KSR2: variants seen among roughly 807,000 people sequenced by gnomAD.
KSR2 encodes kinase suppressor of ras 2.
A neutral mutation model predicts 107.8 loss-of-function variants in KSR2; 25 were observed. The observed-to-expected ratio is 0.23, with a 90% CI of 0.17 to 0.32. The LOEUF (loss-of-function observed/expected upper bound fraction) is 0.32. Ranked by LOEUF, KSR2 falls within the 10% of genes least tolerant of loss-of-function variation. The probability of loss-of-function intolerance (pLI) is 1.00; values close to 1 mark genes in which losing one functional copy is unlikely to be tolerated. For missense variants in KSR2, 887 were observed against 1,268.9 expected (o/e 0.70, Z 4.57); for synonymous variants, 480 against 507.0 (o/e 0.95, Z 0.71).
At chr12:117,945,532 T>C (rs1207365944) in intron 1 of KSR2, among the ~76,000 whole-genome samples, 1 of 151,968 alleles carries the variant, frequency 6.6e-6, no homozygotes, top group Non-Finnish European at 1.5e-5. Flanking sequence ...TAGCCGGACG[T>C]GGTGGCGGGT....
intron 3 of KSR2, among the ~76,000 whole-genome samples, chr12:117,852,395 T>A (rs568639558): frequency 6.6e-6 from 1 of 151,848 alleles, no homozygotes; most frequent in Non-Finnish European, 1.5e-5. Flanking sequence ...ACCACTGCAC[T>A]CCAGCCTGGG....
intron 10 of KSR2, 149 bp downstream of exon 10, chr12:117,539,570 C>T: frequency 1.5e-6 from 1 of 673,994 alleles, no homozygotes; most frequent in Admixed American, 3.4e-5. Context: ...AGGGTCAGTC[C>T]ACATACTTCC....
chr12:117,921,957 T>C (rs1311636229), intron 1 of KSR2, among the ~76,000 whole-genome samples: 2 of 152,206 alleles, frequency 1.3e-5, no homozygotes, highest in African/African-American at 2.4e-5. Flanking sequence ...CAAATGTATG[T>C]TTGTGTGACA....
chr12:117,812,135 G>T (rs771296137), intron 3 of KSR2, among the ~76,000 whole-genome samples: 1 of 152,160 alleles, frequency 6.6e-6, no homozygotes, highest in Non-Finnish European at 1.5e-5. Context: ...CTCTACAGCT[G>T]CCCTGTCCAA....
At chr12:117,962,441 T>C (rs1472250847) in intron 1 of KSR2, among the ~76,000 whole-genome samples, 1 of 129,146 alleles carries the variant, frequency 7.7e-6, no homozygotes, top group South Asian at 2.3e-4. Flanking sequence ...TTTTGTTTTG[T>C]TTTTTGGGTT....
chr12:117,877,717 C>A (rs201770316), intron 1 of KSR2, among the ~76,000 whole-genome samples: 193 of 152,244 alleles, frequency 1.3e-3, no homozygotes, highest in African/African-American at 4.5e-3. Flanking sequence ...GAGGCTGCCC[C>A]CAAGCCTGTC....
chr12:117,710,443 A>G (rs539033197), intron 4 of KSR2, among the ~76,000 whole-genome samples: 1 of 152,322 alleles, frequency 6.6e-6, no homozygotes, highest in East Asian at 1.9e-4. Context: ...GAGGTGGATT[A>G]TCACATAGTC....
At chr12:117,589,035 G>C (rs1880168284) in intron 5 of KSR2, among the ~76,000 whole-genome samples, 1 of 152,194 alleles carries the variant, frequency 6.6e-6, no homozygotes, top group Non-Finnish European at 1.5e-5. Context: ...ATTGTTCAAA[G>C]TCATATAGCT....
chr12:117,713,412 A>G (rs1886867036), intron 4 of KSR2, among the ~76,000 whole-genome samples: 1 of 152,164 alleles, frequency 6.6e-6, no homozygotes, highest in African/African-American at 2.4e-5. Context: ...CTCTTTGGGG[A>G]ACTCTGATAC....
intron 1 of KSR2, among the ~76,000 whole-genome samples, chr12:117,949,004 G>T (rs977209592): frequency 6.6e-6 from 1 of 152,176 alleles, no homozygotes; most frequent in African/African-American, 2.4e-5. Context: ...TGAGGCAGGA[G>T]AATCGCTTGA....
chr12:117,850,252 T>C (rs191405553), intron 3 of KSR2, among the ~76,000 whole-genome samples: 15 of 150,422 alleles, frequency 1.0e-4, no homozygotes, highest in African/African-American at 3.4e-4. Flanking sequence ...CTGAAGTATC[T>C]GCTGTTCCGG....
chr12:117,543,390 G>A (rs553094041), intron 9 of KSR2, among the ~76,000 whole-genome samples: 6 of 152,040 alleles, frequency 3.9e-5, no homozygotes, highest in Non-Finnish European at 5.9e-5. Flanking sequence ...ACATCTTTTC[G>A]TGTGCTTACT....
intron 5 of KSR2, among the ~76,000 whole-genome samples, chr12:117,602,325 T>C (rs2136294034): frequency 6.6e-6 from 1 of 152,360 alleles, no homozygotes; most frequent in Admixed American, 6.5e-5. Context: ...CACCTCTGTA[T>C]AGTTCCAAAC....
At chr12:117,469,597 A>G in intron 19 of KSR2, 65 bp downstream of exon 19, 2 of 1,573,550 alleles carry the variant, frequency 1.3e-6, no homozygotes, top group Non-Finnish European at 1.7e-6. Flanking sequence ...TGCAGAGGGG[A>G]TCAAAAAGGT....
At chr12:117,537,603 C>G (rs1408675377) in intron 10 of KSR2, among the ~76,000 whole-genome samples, 2 of 152,196 alleles carry the variant, frequency 1.3e-5, no homozygotes, top group Non-Finnish European at 2.9e-5. Context: ...CAGCATCACA[C>G]AGACATTAAG....
intron 3 of KSR2, among the ~76,000 whole-genome samples, chr12:117,812,842 C>CAAAAAAAAAAAAAAAAAA (rs3073170): frequency 7.3e-5 from 7 of 95,560 alleles, no homozygotes; most frequent in South Asian, 4.2e-4. Context: ...CCCAAATAGC[C>CAAAAAAAAAAAAAAAAAA]AAAAAAAAAA....
At chr12:117,655,058 G>A (rs1416614393) in intron 5 of KSR2, among the ~76,000 whole-genome samples, 2 of 152,210 alleles carry the variant, frequency 1.3e-5, no homozygotes, top group Non-Finnish European at 2.9e-5. Flanking sequence ...CCATTCCTCA[G>A]GGTGATCAGC....
intron 3 of KSR2, among the ~76,000 whole-genome samples, chr12:117,853,802 G>A (rs1346453989): frequency 6.6e-6 from 1 of 152,160 alleles, no homozygotes; most frequent in Non-Finnish European, 1.5e-5. Context: ...TGTGCTAGAG[G>A]TAAAGAGTAA....
At chr12:117,471,107 C>A in intron 18 of KSR2, 84 bp downstream of exon 18, 2 of 1,541,444 alleles carry the variant, frequency 1.3e-6, no homozygotes, top group Non-Finnish European at 1.8e-6. Flanking sequence ...GCATTTGTAA[C>A]CTTAACACAT....
Sources: allele counts gnomAD v4.1 joint callset (sites outside exome capture counted in the v4.1 genomes callset), GRCh38; gene constraint gnomAD v4.1.1; transcripts MANE v1.5; gene names NCBI Gene and HGNC (gene_info 2026-07-23, HGNC 2026-07-21).